TF: variants seen among roughly 807,000 people sequenced by gnomAD.
TF encodes serotransferrin.
In TF, 55 loss-of-function variants were observed where a neutral mutation model predicts 82.4. That is an observed-to-expected ratio of 0.67 (90% CI 0.54 to 0.84). The LOEUF is 0.84. Among genes scored for constraint, TF ranks in the 40% least tolerant of loss-of-function variants. The probability of loss-of-function intolerance (pLI) is 0.00; values close to 1 mark genes in which losing one functional copy is unlikely to be tolerated. For synonymous variants in TF, 332 were observed against 332.6 expected, an observed-to-expected ratio of 1.00 and a Z score of 0.02; for missense variants, 737 against 868.4, an observed-to-expected ratio of 0.85 and a Z score of 1.90.
the TF span, among the ~76,000 whole-genome samples, chr3:133,689,162 G>A: frequency 6.6e-6 from 1 of 151,790 alleles, no homozygotes; most frequent in Non-Finnish European, 1.5e-5. Context: ...CCCATCTCTA[G>A]CCATTTAGAA....
At chr3:133,751,794 C>T (rs571884865) in intron 2 of TF, among the ~76,000 whole-genome samples, 52 of 152,042 alleles carry the variant, frequency 3.4e-4, no homozygotes, top group African/African-American at 1.2e-3. Context: ...GAGTTTGAGA[C>T]CAGCCTGGCC....
At chr3:133,667,356 C>CA in the TF span, among the ~76,000 whole-genome samples, 116,682 of 128,058 alleles carry the variant, frequency 0.91, 53,193 homozygotes, top group South Asian at 0.97. Flanking sequence ...GACTCTGACT[C>CA]AAAAAAAAAA....
intron 2 of TF, among the ~76,000 whole-genome samples, chr3:133,750,987 G>A (rs371384892): frequency 6.6e-6 from 1 of 151,956 alleles, no homozygotes; most frequent in Admixed American, 6.5e-5. Flanking sequence ...TAGTTGTTGT[G>A]GAACAGAAAG....
In TF at chr3:133,783,914, C is replaced by T. The variant is rs528093221; in HGVS notation, c.*5294C>T. On this transcript the variant is annotated 3_prime_UTR_variant, in exon 17 of 17. Coordinates refer to ENST00000402696, the MANE Select transcript of TF (RefSeq NM_001063.4). The stretch of plus-strand genomic sequence containing the variant: ...CTGCTGAGCCGCCTGGACGCAGCGC[C>T]CCTGGGTGGCGGCAGGTATAGCAGG... The T allele has an allele frequency of 6.6e-6, 1 of 152,438 alleles. No homozygotes were observed. Among genetic ancestry groups the T allele is most frequent in the Admixed American group, 6.5e-5 (1 of 15,312 alleles). The allele number at this position is 152,438 out of a possible 1,614,324, so 9.4% of individuals were successfully genotyped here.
the TF span, among the ~76,000 whole-genome samples, chr3:133,703,569 A>G: frequency 6.6e-6 from 1 of 152,354 alleles, no homozygotes; most frequent in South Asian, 2.1e-4. Flanking sequence ...AGCCTGGCAC[A>G]TAATAAGGCT....
chr3:133,778,204 A>G (rs1193451212), intron 16 of TF: 1 of 261,024 alleles, frequency 3.8e-6, no homozygotes, highest in Non-Finnish European at 7.5e-6. Flanking sequence ...CTTAGCCCAC[A>G]GCACAGAAAC....
the TF span, among the ~76,000 whole-genome samples, chr3:133,685,808 C>G: frequency 6.6e-6 from 1 of 152,174 alleles, no homozygotes; most frequent in Non-Finnish European, 1.5e-5. Flanking sequence ...CTATCCCCAT[C>G]AAGCTACTAA....
chr3:133,757,572 T>G (rs941582746), intron 7 of TF, among the ~76,000 whole-genome samples, 197 bp from the exon 8 acceptor site: 1 of 152,196 alleles, frequency 6.6e-6, no homozygotes, highest in Admixed American at 6.5e-5. Context: ...AGAAGCAGGT[T>G]CAGGCAAATC....
the TF span, among the ~76,000 whole-genome samples, chr3:133,738,996 G>A: frequency 2.0e-5 from 3 of 152,200 alleles, no homozygotes; most frequent in East Asian, 1.9e-4. Context: ...AAAAGAGCCC[G>A]CATAGCCAAG....
At chr3:133,747,966 A>G (rs747238481) in intron 1 of TF, among the ~76,000 whole-genome samples, 66 of 150,964 alleles carry the variant, frequency 4.4e-4, no homozygotes, top group Non-Finnish European at 7.7e-4. Flanking sequence ...TCTGAGTCTC[A>G]CTCCCTCTTC....
chr3:133,756,312 C>G lies in TF; in HGVS notation c.666C>G (p.Ala222=). 1 of 1,614,132 alleles carries G rather than the reference C, an allele frequency of 6.2e-7. No homozygotes were observed. The highest frequency in any genetic ancestry group is 1.1e-5 in the South Asian group (1 of 91,054). ...KCLKDGAGDV[A]FVKHSTIFEN... is the part of the protein sequence containing the mutation. ...TGAAGGATGGTGCTGGGGATGTGGC[C>G]TTTGTCAAGCACTCGACTATATTTG... The change falls in exon 6 of 17, where the codon GCC becomes GCG. Residue 222 remains alanine, a synonymous_variant. Transcript: ENST00000402696.
chr3:133,759,147 T>A (rs1933915445), intron 8 of TF, 28 bp from the exon 9 acceptor site: 6 of 1,613,788 alleles, frequency 3.7e-6, no homozygotes, highest in Non-Finnish European at 4.2e-6. Context: ...GGGCCGCTTC[T>A]GATCTTTGTT....
chr3:133,731,701 G>A, the TF span, among the ~76,000 whole-genome samples: 1 of 152,158 alleles, frequency 6.6e-6, no homozygotes, highest in Non-Finnish European at 1.5e-5. Flanking sequence ...CAATCTAATA[G>A]CAATGTGAGC....
the TF span, among the ~76,000 whole-genome samples, chr3:133,729,839 T>C: frequency 6.6e-6 from 1 of 152,176 alleles, no homozygotes; most frequent in African/African-American, 2.4e-5. Context: ...ATGATATCTC[T>C]TTGTTGATTT....
chr3:133,761,278 C>A, intron 9 of TF: 1 of 199,406 alleles, frequency 5.0e-6, no homozygotes, highest in South Asian at 1.0e-4. Flanking sequence ...GGCCCATGTT[C>A]TAGAATTAAG....
At chr3:133,738,578 C>G in the TF span, among the ~76,000 whole-genome samples, 2 of 127,118 alleles carry the variant, frequency 1.6e-5, no homozygotes, top group Non-Finnish European at 3.3e-5. Flanking sequence ...CGTCTCAGTC[C>G]AAAATCTCCT....
chr3:133,778,620 A>G lies in TF; in HGVS notation c.2097A>G (p.Ter699=), dbSNP rs556930792. ...LLEACTFRRP[*] ...AAGCCTGCACTTTCCGTAGACCTTAAAATCTCAGAGGTAGGGCTGCCACCA... is the reference window on the plus strand; with the variant it reads ...AAGCCTGCACTTTCCGTAGACCTTAGAATCTCAGAGGTAGGGCTGCCACCA... The change falls in exon 17 of 17, where the codon TAA becomes TAG. Residue 699 remains the stop codon, a stop_retained_variant. Coordinates refer to ENST00000402696, the MANE Select transcript of TF (RefSeq NM_001063.4). 3.1e-6 allele frequency: 5 copies of G among 1,613,482 alleles called. No individual in the cohort carries two copies. In the South Asian group the frequency reaches 4.4e-5, roughly 14 times the overall value.
At chr3:133,728,553 G>A in the TF span, among the ~76,000 whole-genome samples, 29,785 of 152,024 alleles carry the variant, frequency 0.2, 3,040 homozygotes, top group East Asian at 0.29. Flanking sequence ...TTATACATTC[G>A]TCTAAATTTT....
the TF span, among the ~76,000 whole-genome samples, chr3:133,708,888 A>T: frequency 1.3e-5 from 2 of 152,142 alleles, no homozygotes; most frequent in African/African-American, 4.8e-5. Flanking sequence ...AAAGAAATGA[A>T]GCACTATTTT....
Sources: gnomAD v4.1 joint callset for allele counts (sites outside exome capture counted in the v4.1 genomes callset) on GRCh38, gnomAD v4.1.1 for gene constraint, MANE v1.5 for transcripts, NCBI Gene and HGNC (gene_info 2026-07-23, HGNC 2026-07-21) for gene names.